Variants in RUNX1 observed in about 807,000 individuals in gnomAD.
The protein encoded by RUNX1 is runt-related transcription factor 1.
A neutral mutation model predicts 42.8 loss-of-function variants in RUNX1; 19 were observed. The ratio of observed to expected loss-of-function variants is 0.44; its 90% confidence interval spans 0.31 to 0.65. The LOEUF (loss-of-function observed/expected upper bound fraction) is 0.65, where lower values mean the gene tolerates loss of function less well. Among genes scored for constraint, RUNX1 ranks in the 30% least tolerant of loss-of-function variants. RUNX1 has a pLI of 0.07. For missense variants in RUNX1, 528 were observed against 672.0 expected (o/e 0.79, Z 2.37); for synonymous variants, 271 against 289.4 (o/e 0.94, Z 0.64).
At chr21:34,868,911 A>C (rs941917045) in intron 5 of RUNX1, among the ~76,000 whole-genome samples, 1 of 152,214 alleles carries the variant, frequency 6.6e-6, no homozygotes, top group Non-Finnish European at 1.5e-5. Flanking sequence ...GGGCAGAGGG[A>C]GAGTTCTAAT....
At chr21:34,980,638 T>C (rs2058839965) in intron 2 of RUNX1, among the ~76,000 whole-genome samples, 6 of 152,244 alleles carry the variant, frequency 3.9e-5, no homozygotes, top group Admixed American at 3.9e-4. Flanking sequence ...GGAAACAGTT[T>C]TCCCCATTAC....
intron 2 of RUNX1, among the ~76,000 whole-genome samples, chr21:34,977,870 A>G (rs1896025272): frequency 2.0e-5 from 3 of 152,096 alleles, no homozygotes; most frequent in Non-Finnish European, 2.9e-5. Flanking sequence ...CATAGTTTTC[A>G]TCATGGATTC....
chr21:34,962,297 A>G (rs1383044518), intron 2 of RUNX1, among the ~76,000 whole-genome samples: 1 of 152,242 alleles, frequency 6.6e-6, no homozygotes, highest in African/African-American at 2.4e-5. Context: ...ACATTTAGGA[A>G]GAAGAGGCTG....
chr21:34,930,289 T>TATATATAA lies in RUNX1; in HGVS notation c.59-37327_59-37326insTTATATAT, dbSNP rs1555906453. Reference sequence around the variant, plus strand: ...GTGTATGTATATATATATATATATATATAAATAAATAAATAAAATTTTACA... The same window carrying TATATATAA: ...GTGTATGTATATATATATATATATATATATATAAATAAATAAATAAATAAAATTTTACA... On this transcript the variant is annotated intron_variant, in intron 2 of 8. Transcript: ENST00000675419. 2.2e-5 allele frequency among the ~76,000 whole-genome samples: 3 copies of TATATATAA among 137,332 alleles called. 1 individual carries two copies. The highest frequency in any genetic ancestry group is 9.4e-5 in the African/African-American group (3 of 31,932). The allele number at this position is 137,332 out of a possible 152,430, so 90.1% of individuals were successfully genotyped here. A position where few individuals can be genotyped will look rare whatever the true frequency, so the allele number is the denominator to read the frequency against.
intron 7 of RUNX1, among the ~76,000 whole-genome samples, chr21:34,803,629 C>T (rs1016556291): frequency 3.1e-4 from 47 of 152,232 alleles, no homozygotes; most frequent in African/African-American, 1.1e-3. Flanking sequence ...GTTTTCCAGG[C>T]TAAATGATGT....
chr21:34,849,394 T>C (rs1267171855), intron 6 of RUNX1, among the ~76,000 whole-genome samples: 1 of 53,518 alleles, frequency 1.9e-5, no homozygotes, highest in Admixed American at 3.8e-4. Flanking sequence ...GTATATATAA[T>C]ATATTATACT....
At chr21:34,912,341 T>A (rs1019047893) in intron 2 of RUNX1, among the ~76,000 whole-genome samples, 1 of 151,658 alleles carries the variant, frequency 6.6e-6, no homozygotes, top group Non-Finnish European at 1.5e-5. Context: ...CTGGGAAATC[T>A]CCATCACCCG....
intron 7 of RUNX1, among the ~76,000 whole-genome samples, chr21:34,824,278 A>G (rs1351691394): frequency 6.6e-6 from 1 of 152,248 alleles, no homozygotes; most frequent in Non-Finnish European, 1.5e-5. Flanking sequence ...TAGAGGTGGT[A>G]CATTCTTCCC....
chr21:34,945,639 T>A (rs9980275), intron 2 of RUNX1, among the ~76,000 whole-genome samples: 3,536 of 152,314 alleles, frequency 0.023, 64 homozygotes, highest in Non-Finnish European at 0.036. Context: ...AAGCTCTCTA[T>A]CCTTGGTATG....
intron 7 of RUNX1, among the ~76,000 whole-genome samples, chr21:34,809,770 A>G (rs1327912520): frequency 6.6e-6 from 1 of 152,188 alleles, no homozygotes; most frequent in Non-Finnish European, 1.5e-5. Flanking sequence ...AGATCATGTT[A>G]AGTAACATGG....
intron 6 of RUNX1, among the ~76,000 whole-genome samples, chr21:34,847,947 T>G (rs1383337812): frequency 6.6e-6 from 1 of 152,068 alleles, no homozygotes; most frequent in Non-Finnish European, 1.5e-5. Flanking sequence ...TTTTAAGTAC[T>G]TGGCAATGGT....
At chr21:35,047,745 G>C (rs1451892804) in intron 2 of RUNX1, among the ~76,000 whole-genome samples, 1 of 152,042 alleles carries the variant, frequency 6.6e-6, no homozygotes, top group Non-Finnish European at 1.5e-5. Context: ...GATACAATTT[G>C]GGTGCTCAAG....
chr21:34,851,344 G>A (rs2057415632), intron 6 of RUNX1, among the ~76,000 whole-genome samples: 2 of 152,202 alleles, frequency 1.3e-5, no homozygotes, highest in African/African-American at 2.4e-5. Flanking sequence ...ACGAACTTAC[G>A]GCTTTATTTT....
At chr21:34,866,643 A>G (rs2057666559) in intron 5 of RUNX1, among the ~76,000 whole-genome samples, 1 of 152,190 alleles carries the variant, frequency 6.6e-6, no homozygotes, top group Non-Finnish European at 1.5e-5. Flanking sequence ...ACTATTTTTG[A>G]CAGTGGAGTT....
At chr21:34,872,274 A>C (rs1484088530) in intron 5 of RUNX1, among the ~76,000 whole-genome samples, 1 of 152,146 alleles carries the variant, frequency 6.6e-6, no homozygotes, top group African/African-American at 2.4e-5. Context: ...AGGGCTTCCT[A>C]GTTTCTGCAG....
intron 6 of RUNX1, among the ~76,000 whole-genome samples, chr21:34,849,807 G>C (rs567622219): frequency 9.2e-4 from 140 of 151,532 alleles, no homozygotes; most frequent in African/African-American, 3.3e-3. Context: ...TAAAGGAAAA[G>C]AATATGCGAT....
intron 3 of RUNX1, chr21:34,889,874 A>C: frequency 9.3e-7 from 1 of 1,075,076 alleles, no homozygotes; most frequent in Non-Finnish European, 1.1e-6. Flanking sequence ...CGGGCCCTGC[A>C]CCTCCCGGGG....
At chr21:34,807,377 TAGAA>T (rs2056694407) in intron 7 of RUNX1, among the ~76,000 whole-genome samples, 1 of 152,088 alleles carries the variant, frequency 6.6e-6, no homozygotes, top group South Asian at 2.1e-4. Flanking sequence ...AGGTTATAGT[TAGAA>T]AGCCCCTTCC....
chr21:35,023,070 G>A (rs533316720), intron 2 of RUNX1, among the ~76,000 whole-genome samples: 8 of 151,714 alleles, frequency 5.3e-5, no homozygotes, highest in African/African-American at 1.7e-4. Context: ...AGCCTCTTCA[G>A]TAGCTAGGAC....
Sources: gnomAD v4.1 joint callset for allele counts (sites outside exome capture counted in the v4.1 genomes callset) on GRCh38, gnomAD v4.1.1 for gene constraint, MANE v1.5 for transcripts, NCBI Gene and HGNC (gene_info 2026-07-23, HGNC 2026-07-21) for gene names.